Variants in ALAS2 observed in about 807,000 individuals in gnomAD.
The protein encoded by ALAS2 is 5-aminolevulinate synthase, erythroid-specific, mitochondrial.
ALAS2 carries 3 observed loss-of-function variants against 33.7 expected under a neutral mutation model. The observed-to-expected ratio is 0.09, with a 90% CI of 0.04 to 0.23. The LOEUF (loss-of-function observed/expected upper bound fraction) is 0.23. Ranked by LOEUF, ALAS2 falls within the 10% of genes least tolerant of loss-of-function variation. ALAS2 has a pLI of 1.00. For synonymous variants in ALAS2, 191 were observed against 177.3 expected (o/e 1.08, Z -0.61); for missense variants, 304 against 475.1 (o/e 0.64, Z 3.35).
intron 10 of ALAS2, 128 bp from the exon 11 acceptor site, chrX:55,009,471 C>T (rs911433719): frequency 1.5e-5 from 10 of 650,871 alleles, no homozygotes; most frequent in African/African-American, 1.4e-4. Flanking sequence ...CCAGAAGTAG[C>T]CTACTGTTTG....
At chrX:55,026,084 C>T (rs1266749001) in intron 1 of ALAS2, 69 bp from the exon 2 acceptor site, 22 of 1,026,957 alleles carry the variant, frequency 2.1e-5, no homozygotes, top group Middle Eastern at 3.6e-4. Flanking sequence ...CTTTGATCCT[C>T]GTCTTCAGCT....
rs56109492 is a variant in ALAS2, at chrX:55,015,959, CTGTGTG to C, written c.1004-223_1004-218del. Among the ~76,000 whole-genome samples the C allele has an allele frequency of 0.049, 3,895 of 80,003 alleles. 103 individuals are homozygous for C. Among genetic ancestry groups the C allele is most frequent in the East Asian group, 0.17 (391 of 2,338 alleles). The allele number at this position is 80,003 out of a possible 115,157, so 69.5% of individuals were successfully genotyped here. A position where few individuals can be genotyped will look rare whatever the true frequency, so the allele number is the denominator to read the frequency against. On this transcript the variant is annotated intron_variant, in intron 7 of 10. Transcript: ENST00000650242. ...CTTCTCTCTCTCTCTCTCTGTCTCT[CTGTGTG>C]TGTGTGTGTGTGTGTGTGTGTGTGT...
rs371511318 is a variant in ALAS2 at position 55,009,146 on chromosome X, G to A, written c.*34C>T. On this transcript the variant is annotated 3_prime_UTR_variant, in exon 11 of 11. Transcript: ENST00000650242. ...GAGTAGGCCTGGACCCAAGTGAAGC[G>A]CAGGTGGGGTGTGAATCCTAGGCAG... 15 of 1,198,319 alleles carry A rather than the reference G, an allele frequency of 1.3e-5. No individual in the cohort carries two copies. Among genetic ancestry groups the A allele is most frequent in the Admixed American group, 4.5e-5 (2 of 44,347 alleles).
intron 9 of ALAS2, among the ~76,000 whole-genome samples, chrX:55,014,203 G>A (rs1935659333): frequency 9.0e-6 from 1 of 111,724 alleles, no homozygotes; most frequent in Non-Finnish European, 1.9e-5. Flanking sequence ...TGCTCATATT[G>A]AGGATCCAAA....
At chrX:55,020,109 A>G (rs1045660716) in intron 6 of ALAS2, among the ~76,000 whole-genome samples, 1 of 111,630 alleles carries the variant, frequency 9.0e-6, no homozygotes, top group Non-Finnish European at 1.9e-5. Context: ...AGGTGGGGTA[A>G]TGTTCCCCGG....
rs1042353058 is a variant in ALAS2 at position 55,028,223 on chromosome X, G to A, written c.-15-2208C>T. On this transcript the variant is annotated intron_variant, in intron 1 of 10. Coordinates refer to ENST00000650242, the MANE Select transcript of ALAS2 (RefSeq NM_000032.5). ...ACAGATAAAGTTGCCAGAGTTTATC[G>A]CCATTGGGGTCTGACCACTCCCCAA... is the stretch of plus-strand genomic sequence containing the variant. Among the ~76,000 whole-genome samples the A allele has an allele frequency of 1.8e-4, 20 of 110,748 alleles. No homozygotes were observed. Among genetic ancestry groups the A allele is most frequent in the African/African-American group, 4.9e-4 (15 of 30,359 alleles).
rs770160847 is a variant in ALAS2, at chrX:55,023,737, T to C, written c.415+20A>G. ...CCTTCCCTATTCCGGTCCCCTTTTT[T>C]TCCACCTCAGCAAACTCACCAGGCA... On this transcript the variant is annotated intron_variant, in intron 4 of 10. Transcript: ENST00000650242. 1 of 1,184,188 alleles carries C rather than the reference T, an allele frequency of 8.4e-7. No homozygotes were observed.
intron 10 of ALAS2, 134 bp downstream of exon 10, chrX:55,013,352 G>A: frequency 1.4e-6 from 1 of 708,836 alleles, no homozygotes; most frequent in East Asian, 3.5e-5. Context: ...TGTGACCCTA[G>A]TATAGGTGCT....
In ALAS2 at chrX:55,021,268, T is replaced by C; in HGVS notation, c.422A>G (p.Tyr141Cys). Residue 141 changes from tyrosine to cysteine, a missense_variant, in exon 5 of 11, where the codon TAT becomes TGT. Physicochemically the swap from Tyr to Cys is radical, Grantham distance 194. Coordinates refer to ENST00000650242, the MANE Select transcript of ALAS2 (RefSeq NM_000032.5). ...GAAAAACTGGTCATAACTGAAGACA[T>C]AGTTTCCTGCAGGAGCAGATATGAG... ...HLIQNNMPGN[Y>C]VFSYDQFFRD... 2 of 1,205,203 alleles carry C rather than the reference T, an allele frequency of 1.7e-6. No homozygotes were observed. Among genetic ancestry groups the C allele is most frequent in the Non-Finnish European group, 2.2e-6 (2 of 889,239 alleles).
chrX:55,026,643 C>T (rs1173405445), intron 1 of ALAS2, among the ~76,000 whole-genome samples: 1 of 111,819 alleles, frequency 8.9e-6, no homozygotes, highest in Admixed American at 9.5e-5. Flanking sequence ...GCTCCTGTCT[C>T]TTGGATAAGC....
At chrX:55,027,840 G>A in intron 1 of ALAS2, 7 of 1,174,057 alleles carry the variant, frequency 6.0e-6, no homozygotes, top group Non-Finnish European at 8.1e-6. Flanking sequence ...TGGTATGTGG[G>A]GCCAAGGCAT....
intron 7 of ALAS2, among the ~76,000 whole-genome samples, chrX:55,016,889 G>A (rs4826366): frequency 0.012 from 1,333 of 111,810 alleles, 61 homozygotes; most frequent in Admixed American, 0.11. Context: ...CATGGTCATA[G>A]CCAGTAACTG....
At chrX:55,012,942 G>A (rs1408167837) in intron 10 of ALAS2, among the ~76,000 whole-genome samples, 1 of 111,916 alleles carries the variant, frequency 8.9e-6, no homozygotes, top group Non-Finnish European at 1.9e-5. Context: ...TCTATCTCAT[G>A]TTGTCTTTGT....
At chrX:55,023,050 T>C (rs1387991839) in intron 4 of ALAS2, among the ~76,000 whole-genome samples, 6 of 111,934 alleles carry the variant, frequency 5.4e-5, no homozygotes, top group Non-Finnish European at 1.1e-4. Context: ...ACTTAAATTA[T>C]AGATGCTTGA....
chrX:55,026,987 T>C (rs1348805679), intron 1 of ALAS2, among the ~76,000 whole-genome samples: 2 of 106,398 alleles, frequency 1.9e-5, no homozygotes, highest in Non-Finnish European at 1.9e-5. Context: ...AGAACAGAAA[T>C]TGAGGGGGAA....
At position 55,019,157 on chromosome X, in the gene ALAS2, G is replaced by GT. The variant is rs1216793683; in HGVS notation, c.823+1162dup. Among the ~76,000 whole-genome samples the GT allele has an allele frequency of 2.7e-5, 3 of 110,889 alleles. No homozygotes were observed. In the Admixed American group the frequency reaches 2.9e-4, roughly 11 times the overall value. On this transcript the variant is annotated intron_variant, in intron 6 of 10. Transcript: ENST00000650242. ...GAGAGTGATCAGGGGTTGAGGCAAT[G>GT]TTTTTTTATAAGATACAAGAGACTT...
chrX:55,029,334 A>G (rs1204514991), intron 1 of ALAS2, among the ~76,000 whole-genome samples: 2 of 111,668 alleles, frequency 1.8e-5, no homozygotes, highest in African/African-American at 6.5e-5. Context: ...CTGATAGTCA[A>G]ACACTTACAG....
At chrX:55,030,876 G>A (rs1935987196) in intron 1 of ALAS2, 66 bp downstream of exon 1, 1 of 321,388 alleles carries the variant, frequency 3.1e-6, no homozygotes, top group Admixed American at 3.4e-5. Context: ...GAGAGTCAGT[G>A]TGTACAGCCC....
At chrX:55,011,111 GGGA>G (rs1935594985) in intron 10 of ALAS2, among the ~76,000 whole-genome samples, 1 of 111,170 alleles carries the variant, frequency 9.0e-6, no homozygotes, top group African/African-American at 3.3e-5. Context: ...AATGCATGTG[GGGA>G]GGAGGTGAGG....
Sources: allele counts gnomAD v4.1 joint callset (sites outside exome capture counted in the v4.1 genomes callset), GRCh38; gene constraint gnomAD v4.1.1; transcripts MANE v1.5; gene names NCBI Gene and HGNC (gene_info 2026-07-23, HGNC 2026-07-21).